Variants in CYP3A5 observed in about 807,000 individuals in gnomAD.
CYP3A5 encodes cytochrome P450 family 3 subfamily A member 5, also known as cytochrome P450 3A5.
A neutral mutation model predicts 55.9 loss-of-function variants in CYP3A5; 51 were observed. That is an observed-to-expected ratio of 0.91 (90% CI 0.73 to 1.15). The LOEUF (loss-of-function observed/expected upper bound fraction) is 1.15, where lower values mean the gene tolerates loss of function less well. CYP3A5 is among the 50% of genes most tolerant of loss of function. CYP3A5 has a pLI of 0.00. For missense variants in CYP3A5, 533 were observed against 596.6 expected, an observed-to-expected ratio of 0.89 and a Z score of 1.11; for synonymous variants, 196 against 213.9, an observed-to-expected ratio of 0.92 and a Z score of 0.73.
At chr7:99,674,900 C>T (rs1047531675) in intron 2 of CYP3A5, among the ~76,000 whole-genome samples, 3 of 152,198 alleles carry the variant, frequency 2.0e-5, no homozygotes, top group Admixed American at 6.5e-5. Context: ...AGTCTCCTAA[C>T]CCCGTGAATG....
At chr7:99,658,219 C>G (rs1406108301) in intron 10 of CYP3A5, among the ~76,000 whole-genome samples, 1 of 152,130 alleles carries the variant, frequency 6.6e-6, no homozygotes, top group Non-Finnish European at 1.5e-5. Context: ...GTGGCTGGTA[C>G]CAGTTGTTCC....
At chr7:99,665,351 C>G (rs753043532) in intron 6 of CYP3A5, 37 bp from the exon 7 acceptor site, 5 of 1,612,300 alleles carry the variant, frequency 3.1e-6, no homozygotes, top group Admixed American at 1.7e-5. Flanking sequence ...AAAATCAGCA[C>G]CTCTTACCGT....
At chr7:99,674,474 A>AGTG (rs1373132114) in intron 3 of CYP3A5, 59 bp downstream of exon 3, 1 of 1,369,776 alleles carries the variant, frequency 7.3e-7, no homozygotes, top group Non-Finnish European at 1.0e-6. Context: ...ACTATCCTGC[A>AGTG]GTGGGGTAAC....
At chr7:99,650,556 G>T (rs1327544294) in intron 11 of CYP3A5, among the ~76,000 whole-genome samples, 2 of 152,174 alleles carry the variant, frequency 1.3e-5, no homozygotes, top group Non-Finnish European at 2.9e-5. Context: ...TAAATGATAA[G>T]ACTGATGGAT....
chr7:99,666,438 C>T (rs1811026772), intron 6 of CYP3A5, among the ~76,000 whole-genome samples, 163 bp downstream of exon 6: 1 of 152,164 alleles, frequency 6.6e-6, no homozygotes, highest in East Asian at 1.9e-4. Context: ...TGACTTGCCG[C>T]CTCATGGGAG....
At chr7:99,671,727 C>A in intron 4 of CYP3A5, 1 of 679,102 alleles carries the variant, frequency 1.5e-6, no homozygotes, top group South Asian at 1.6e-5. Flanking sequence ...AATATTAATA[C>A]ATTGGCCTCC....
At position 99,662,408 on chromosome 7, in the gene CYP3A5, A is replaced by G. The variant is rs1023198117; in HGVS notation, c.865+408T>C. On this transcript the variant is annotated intron_variant, in intron 9 of 12. Coordinates refer to ENST00000222982, the MANE Select transcript of CYP3A5 (RefSeq NM_000777.5). This position sits in a 1 kb window ranked among gnomAD's most constrained non-coding sequence, Gnocchi z 4.3. ...GAAAAATAAAACTTTGCAGTAGATT[A>G]ACCTTGCGAACACACTTTCAAGTAC... Among the ~76,000 whole-genome samples the G allele has an allele frequency of 5.3e-5, 8 of 152,230 alleles. No homozygotes were observed. Among genetic ancestry groups the G allele is most frequent in the African/African-American group, 1.9e-4 (8 of 41,454 alleles).
intron 1 of CYP3A5, among the ~76,000 whole-genome samples, chr7:99,678,797 G>A (rs1812539066): frequency 6.6e-6 from 1 of 152,212 alleles, no homozygotes; most frequent in Non-Finnish European, 1.5e-5. Flanking sequence ...GAGGTTTATA[G>A]TGTCTATTTT....
At chr7:99,657,097 A>G (rs192960892) in intron 10 of CYP3A5, among the ~76,000 whole-genome samples, 1 of 151,740 alleles carries the variant, frequency 6.6e-6, no homozygotes, top group Admixed American at 6.6e-5. Flanking sequence ...TTCTGCTCTG[A>G]TCTTAGTTAT....
At chr7:99,674,038 C>T (rs910334138) in intron 3 of CYP3A5, among the ~76,000 whole-genome samples, 1 of 152,098 alleles carries the variant, frequency 6.6e-6, no homozygotes, top group African/African-American at 2.4e-5. Context: ...TTAACCCTGA[C>T]AAATAAATCC....
At chr7:99,650,977 A>T (rs767793885) in intron 11 of CYP3A5, among the ~76,000 whole-genome samples, 38 of 152,214 alleles carry the variant, frequency 2.5e-4, no homozygotes, top group Admixed American at 1.0e-3. Context: ...TGATTATATT[A>T]AGGAAAAAAT....
chr7:99,654,986 T>C (rs1444652888), intron 10 of CYP3A5, among the ~76,000 whole-genome samples: 3 of 152,250 alleles, frequency 2.0e-5, no homozygotes, highest in Non-Finnish European at 4.4e-5. Context: ...TAGCCCTTTG[T>C]CAGATGAGTA....
chr7:99,663,539 C>T (rs768353033), intron 8 of CYP3A5: 24 of 991,922 alleles, frequency 2.4e-5, no homozygotes, highest in African/African-American at 3.5e-5. Flanking sequence ...TGTCAGCAGT[C>T]GGCAGGTAGC....
chr7:99,665,755 A>G (rs541961762), intron 6 of CYP3A5, among the ~76,000 whole-genome samples: 1 of 152,310 alleles, frequency 6.6e-6, no homozygotes, highest in South Asian at 2.1e-4. Context: ...CCTCTTCAAC[A>G]CTTTACAAAA....
At chr7:99,679,083 C>T (rs1049932663) in intron 1 of CYP3A5, among the ~76,000 whole-genome samples, 21 of 152,222 alleles carry the variant, frequency 1.4e-4, no homozygotes, top group African/African-American at 5.1e-4. Flanking sequence ...TAATCCTAGC[C>T]TCCCAGAGAC....
chr7:99,652,495 A>C, intron 11 of CYP3A5, 58 bp downstream of exon 11: 1 of 1,135,736 alleles, frequency 8.8e-7, no homozygotes, highest in East Asian at 2.4e-5. Context: ...TAAGAGAGGC[A>C]GAATATGCTT....
rs28969395 is a variant in CYP3A5 at position 99,660,163 on chromosome 7, G to C, written c.1026+336C>G. On this transcript the variant is annotated intron_variant, in intron 10 of 12. Transcript: ENST00000222982. ...ATTCGTCTTCTGTGTTGCTCACGCT[G>C]GGAGCTGTAGACTGGAGCTGTTCCT... The C allele has an allele frequency of 4.0e-3, 3,727 of 921,084 alleles. 108 individuals are homozygous for C. The African/African-American group carries it at 0.059, about 15-fold the overall frequency. 57.1% of individuals were successfully genotyped at this position (921,084 alleles called of 1,614,324 possible).
rs181242033 is a variant in CYP3A5 at position 99,662,384 on chromosome 7, A to G, written c.865+432T>C. Among the ~76,000 whole-genome samples the G allele has an allele frequency of 4.2e-4, 64 of 152,334 alleles. 1 individual carries two copies. In the South Asian group the frequency reaches 6.8e-3, roughly 16 times the overall value. On this transcript the variant is annotated intron_variant, in intron 9 of 12. Transcript: ENST00000222982. This position sits in a 1 kb window ranked among gnomAD's most constrained non-coding sequence, Gnocchi z 4.3. ...TTAGTTACTTATGCATTTCAAAGGGAAAAATAAAACTTTGCAGTAGATTAA... is the reference window on the plus strand; with the variant it reads ...TTAGTTACTTATGCATTTCAAAGGGGAAAATAAAACTTTGCAGTAGATTAA...
intron 11 of CYP3A5, among the ~76,000 whole-genome samples, chr7:99,650,887 C>G (rs1020890076): frequency 6.6e-6 from 1 of 152,180 alleles, no homozygotes; most frequent in East Asian, 1.9e-4. Context: ...GTCATCCCTG[C>G]TTTCCTTGAT....
Sources: allele counts gnomAD v4.1 joint callset (sites outside exome capture counted in the v4.1 genomes callset), GRCh38; gene constraint gnomAD v4.1.1; non-coding constraint Gnocchi (gnomAD v3.1); transcripts MANE v1.5; gene names NCBI Gene and HGNC (gene_info 2026-07-23, HGNC 2026-07-21).